Variants in SUN1 observed in about 807,000 individuals in gnomAD.
The protein encoded by SUN1 is SUN domain-containing protein 1.
Under a neutral mutation model 103.2 loss-of-function variants are expected in SUN1, and 61 were observed. That is an observed-to-expected ratio of 0.59 (90% confidence interval 0.48 to 0.73). SUN1 has a LOEUF of 0.73. SUN1 is among the 30% of genes least tolerant of loss of function. The pLI, the probability that SUN1 is intolerant of heterozygous loss-of-function variation, is 0.00. For missense variants in SUN1, 1,052 were observed against 1,034.6 expected (o/e 1.02, Z -0.23); for synonymous variants, 490 against 425.7 (o/e 1.15, Z -1.86).
At chr7:842,434 AG>A (rs1172555777) in intron 3 of SUN1, 2 of 364,816 alleles carry the variant, frequency 5.5e-6, no homozygotes. Context: ...ATGAAGCAGC[AG>A]GTAGTAATCT....
At chr7:867,330 A>G (rs1468535403) in intron 16 of SUN1, among the ~76,000 whole-genome samples, 1 of 152,262 alleles carries the variant, frequency 6.6e-6, no homozygotes, top group Non-Finnish European at 1.5e-5. Context: ...GTGCCAGCTC[A>G]CGAGTGCCAC....
rs531500002 is a variant in SUN1 at position 851,999 on chromosome 7, G to A, written c.807G>A (p.Gln269=). The A allele has an allele frequency of 2.1e-5, 34 of 1,614,130 alleles. No homozygotes were observed. The East Asian group carries it at 6.9e-4, about 33-fold the overall frequency. The change falls in exon 7 of 19, where the codon CAG becomes CAA. Residue 269 remains glutamine, a synonymous_variant. Coordinates refer to ENST00000401592, the MANE Select transcript of SUN1 (RefSeq NM_001130965.3). ...VFWWLGIGWY[Q]FVTLISWLNV... ...GGTGGCTGGGGATTGGATGGTACCA[G>A]TTTGTTACTTTGATTTCTTGGCTGA...
chr7:860,281 C>T lies in SUN1; in HGVS notation c.1678C>T (p.Arg560Trp), dbSNP rs770376876. ...GCGAGACCTGCAGCTGCAGATCCTG[C>T]GGAACGTCACCCACCACGTTTCCGT... ...MLRDLQLQILRNVTHHVSVTK... is the reference protein window; with the variant it reads ...MLRDLQLQILWNVTHHVSVTK... The change falls in exon 14 of 19, where the codon CGG (arginine) becomes TGG (tryptophan). Residue 560 changes from arginine to tryptophan, a missense_variant. Arg to Trp is a moderately radical substitution (Grantham distance 101). Coordinates refer to ENST00000401592, the MANE Select transcript of SUN1 (RefSeq NM_001130965.3). 6.8e-6 allele frequency: 11 copies of T among 1,614,230 alleles called. No homozygotes were observed. The highest frequency in any genetic ancestry group is 1.7e-5 in the Admixed American group (1 of 60,030).
intron 1 of SUN1, among the ~76,000 whole-genome samples, chr7:818,199 C>A (rs530173535): frequency 9.2e-5 from 14 of 152,168 alleles, no homozygotes; most frequent in Non-Finnish European, 2.9e-5. Flanking sequence ...CCCATTCTTC[C>A]GTCTCCCCAG....
rs1273226652 is a variant in SUN1, at chr7:860,179, C to T, written c.1576C>T (p.Gln526Ter). 1 of 1,614,216 alleles carries T rather than the reference C, an allele frequency of 6.2e-7. No homozygotes were observed. The highest frequency in any genetic ancestry group is 1.1e-5 in the South Asian group (1 of 91,086). Residue 526 changes from glutamine to a stop codon, truncating the protein, a stop_gained, in exon 14 of 19, where the codon CAA becomes TAA. Transcript: ENST00000401592. LOFTEE classifies it high-confidence loss of function. Reference sequence around the variant, plus strand: ...GAAACTCCTGTTTTCCGAAGATCAGCAAGGCGGTTCTCTGGAACAGCTGCT... The same window carrying T: ...GAAACTCCTGTTTTCCGAAGATCAGTAAGGCGGTTCTCTGGAACAGCTGCT... ...MVKLLFSEDQ[Q>*]GGSLEQLLQR...
chr7:857,694 G>C, intron 12 of SUN1, 134 bp from the exon 13 acceptor site: 2 of 1,167,398 alleles, frequency 1.7e-6, no homozygotes, highest in Non-Finnish European at 2.3e-6. Flanking sequence ...TTCCACGTTA[G>C]TGTGGCACAG....
rs201328717 is a variant in SUN1 at position 843,194 on chromosome 7, T to G, written c.452-12T>G. ...AGCAAAAATGTGTGTGTGTGTGTGTTTTTTTTTTTAGGTCTTGATGATGAT... is the reference window on the plus strand; with the variant it reads ...AGCAAAAATGTGTGTGTGTGTGTGTGTTTTTTTTTAGGTCTTGATGATGAT... On this transcript the variant is annotated splice_polypyrimidine_tract_variant and intron_variant, in intron 3 of 18. Transcript: ENST00000401592. 12,241 of 1,338,446 alleles carry G rather than the reference T, an allele frequency of 9.1e-3. 52 individuals are homozygous for G. Among genetic ancestry groups the G allele is most frequent in the South Asian group, 0.023 (1,759 of 77,610 alleles). The allele number at this position is 1,338,446 out of a possible 1,614,324, so 82.9% of individuals were successfully genotyped here.
Position 838,823 on chromosome 7 carries a change from G to C in SUN1, c.103G>C (p.Asp35His), listed in dbSNP as rs1806116993. 6.4e-7 allele frequency: 1 copy of C among 1,559,568 alleles called. No homozygotes were observed. Among genetic ancestry groups the C allele is most frequent in the Non-Finnish European group, 8.7e-7 (1 of 1,150,628 alleles). Residue 35 changes from aspartate (D) to histidine (H), a missense_variant, in exon 2 of 19, where the codon GAT becomes CAT. Transcript: ENST00000401592. ...LSSSYSSDAL[D>H]FETEHKLDPV... is the part of the protein sequence containing the mutation. ...TTCCAGCTATTCTTCAGATGCTCTG[G>C]ATTTTGAGACGGAGCACAAATTGGA...
chr7:867,102 A>G (rs1779), intron 16 of SUN1, among the ~76,000 whole-genome samples: 97,451 of 152,054 alleles, frequency 0.64, 31,494 homozygotes, highest in East Asian at 0.81. Context: ...TGAGGATCAC[A>G]TGGGACTGTC....
At chr7:826,018 C>A (rs906417608) in intron 1 of SUN1, among the ~76,000 whole-genome samples, 27 of 151,900 alleles carry the variant, frequency 1.8e-4, no homozygotes, top group African/African-American at 6.3e-4. Context: ...TGAGGAAAAT[C>A]GCTTGAGGCC....
intron 5 of SUN1, chr7:850,007 C>A (rs1328798218): frequency 3.1e-6 from 5 of 1,598,294 alleles, no homozygotes; most frequent in Admixed American, 3.4e-5. Flanking sequence ...CGGGCAGGGA[C>A]CCTCTGGCAC....
chr7:846,746 A>G (rs7802750), intron 5 of SUN1, among the ~76,000 whole-genome samples: 93,933 of 151,686 alleles, frequency 0.62, 29,064 homozygotes, highest in African/African-American at 0.66. Flanking sequence ...GCATGGTGGC[A>G]TGTGCCTGTA....
At chr7:855,895 G>A (rs933458038) in intron 11 of SUN1, among the ~76,000 whole-genome samples, 3 of 152,216 alleles carry the variant, frequency 2.0e-5, no homozygotes, top group African/African-American at 7.2e-5. Flanking sequence ...TCTGTGGGGC[G>A]CCTCCTCCTC....
At chr7:820,530 T>A (rs140385035) in intron 1 of SUN1, among the ~76,000 whole-genome samples, 81 of 152,352 alleles carry the variant, frequency 5.3e-4, no homozygotes, top group African/African-American at 1.9e-3. Flanking sequence ...ATAAAGATAG[T>A]TTGACATCTT....
rs147400296 is a variant in SUN1 at position 837,342 on chromosome 7, G to A, written c.78-1456G>A. ...ACGTGGACTGTGCCGCTTTTGGTCC[G>A]GCTCCCCTGAGCTGAGTTAACCTCG... On this transcript the variant is annotated intron_variant, in intron 1 of 18. Coordinates refer to ENST00000401592, the MANE Select transcript of SUN1 (RefSeq NM_001130965.3). Among the ~76,000 whole-genome samples the A allele has an allele frequency of 1.1e-4, 16 of 152,320 alleles. No individual in the cohort carries two copies. In the East Asian group the frequency reaches 3.1e-3, roughly 29 times the overall value.
At chr7:845,486 T>C (rs948658285) in intron 5 of SUN1, among the ~76,000 whole-genome samples, 3 of 151,922 alleles carry the variant, frequency 2.0e-5, no homozygotes, top group Non-Finnish European at 4.4e-5. Context: ...CAAAGAACAT[T>C]GGAAAATCAG....
chr7:849,775 C>T, intron 5 of SUN1: 1 of 1,099,452 alleles, frequency 9.1e-7, no homozygotes, highest in Non-Finnish European at 1.4e-6. Context: ...AGCTCATAGC[C>T]ACCAGATCGC....
intron 13 of SUN1, among the ~76,000 whole-genome samples, chr7:859,523 C>T (rs1477034438): frequency 6.6e-6 from 1 of 152,112 alleles, no homozygotes; most frequent in African/African-American, 2.4e-5. Flanking sequence ...AAAGCAGCTA[C>T]GTGCCATTGT....
intron 1 of SUN1, among the ~76,000 whole-genome samples, chr7:819,093 C>T (rs1375117753): frequency 6.6e-6 from 1 of 152,010 alleles, no homozygotes; most frequent in Non-Finnish European, 1.5e-5. Flanking sequence ...AAACTCCCGA[C>T]CTCAGGTGAT....
Sources: allele counts gnomAD v4.1 joint callset (sites outside exome capture counted in the v4.1 genomes callset), GRCh38; gene constraint gnomAD v4.1.1; transcripts MANE v1.5; gene names NCBI Gene and HGNC (gene_info 2026-07-23, HGNC 2026-07-21).